The following DGUOK variants were observed in gnomAD, a reference collection of about 807,000 sequenced individuals.
DGUOK encodes the protein deoxyguanosine kinase, mitochondrial.
In DGUOK, 30 loss-of-function variants were observed where a neutral mutation model predicts 36.6. The observed-to-expected ratio is 0.82, with a 90% CI of 0.61 to 1.11. The LOEUF is 1.11. Ranked by LOEUF, DGUOK falls within the 50% of genes most tolerant of loss-of-function variation. DGUOK has a pLI of 0.00. For missense variants in DGUOK, 361 were observed against 336.4 expected, an observed-to-expected ratio of 1.07 and a Z score of -0.57; for synonymous variants, 145 against 126.3, an observed-to-expected ratio of 1.15 and a Z score of -0.99.
At position 73,947,211 on chromosome 2, in the gene DGUOK, C is replaced by T. The variant is rs572457758; in HGVS notation, c.443+305C>T. On this transcript the variant is annotated intron_variant, in intron 3 of 6. Coordinates refer to ENST00000264093, the MANE Select transcript of DGUOK (RefSeq NM_080916.3). The stretch of plus-strand genomic sequence containing the variant: ...GCTGGTAGCCACCTAATGTAACCAT[C>T]ACATGCTAAAAGGCACATAATAGAC... The T allele has an allele frequency of 3.7e-4, 152 of 411,588 alleles. 2 individuals carry two copies. The Admixed American group carries it at 5.0e-3, about 13-fold the overall frequency. 25.5% of individuals were successfully genotyped at this position (411,588 alleles called of 1,614,324 possible). A position where few individuals can be genotyped will look rare whatever the true frequency, so the allele number is the denominator to read the frequency against.
intron 4 of DGUOK, among the ~76,000 whole-genome samples, chr2:73,954,560 T>C (rs917955348): frequency 6.6e-6 from 1 of 151,776 alleles, no homozygotes; most frequent in African/African-American, 2.4e-5. Context: ...AAAAGAGAAA[T>C]AGCTAGGCCT....
At position 73,958,177 on chromosome 2, in the gene DGUOK, G is replaced by A; in HGVS notation, c.739G>A (p.Val247Met). ...CTTTGAGGCTCTGATGAACATTCCAGTGCTGGTGTTGGATGTCAATGATGA... is the reference window on the plus strand; with the variant it reads ...CTTTGAGGCTCTGATGAACATTCCAATGCTGGTGTTGGATGTCAATGATGA... ...LHFEALMNIP[V>M]LVLDVNDDFS... Residue 247 changes from valine to methionine, a missense_variant, in exon 6 of 7, where the codon GTG (valine) becomes ATG (methionine). Val to Met is a conservative substitution (Grantham distance 21). Transcript: ENST00000264093. The A allele has an allele frequency of 6.2e-7, 1 of 1,613,884 alleles. No individual in the cohort carries two copies. Among genetic ancestry groups the A allele is most frequent in the Non-Finnish European group, 8.5e-7 (1 of 1,179,840 alleles).
At chr2:73,953,752 T>C (rs6546879) in intron 4 of DGUOK, among the ~76,000 whole-genome samples, 91,600 of 135,948 alleles carry the variant, frequency 0.67, 31,275 homozygotes, top group Non-Finnish European at 0.69. Context: ...GAGACAGAGT[T>C]TTGCTCTGTT....
intron 4 of DGUOK, 132 bp from the exon 5 acceptor site, chr2:73,956,993 G>A: frequency 1.3e-5 from 6 of 466,060 alleles, no homozygotes; most frequent in South Asian, 4.2e-5. Flanking sequence ...AAGAAAACAA[G>A]ACAGCAGAAG....
At chr2:73,953,305 G>A (rs1429665552) in intron 4 of DGUOK, among the ~76,000 whole-genome samples, 11 of 147,770 alleles carry the variant, frequency 7.4e-5, no homozygotes, top group African/African-American at 2.1e-4. Context: ...CGTCGTCGTC[G>A]TCGTCGTCGT....
intron 2 of DGUOK, among the ~76,000 whole-genome samples, chr2:73,944,447 T>C (rs915480072): frequency 5.9e-5 from 9 of 152,228 alleles, no homozygotes; most frequent in Non-Finnish European, 1.5e-5. Flanking sequence ...TTTTCACCTC[T>C]AAGAAAGTTA....
chr2:73,953,915 G>C lies in DGUOK; in HGVS notation c.591+3183G>C, dbSNP rs1489807540. On this transcript the variant is annotated intron_variant, in intron 4 of 6. Transcript: ENST00000264093. ...TTTTTGTATTTTTAGTAGAGACGGGGTTTCACCATGTTAGCCAGGATGGTC... is the reference window on the plus strand; with the variant it reads ...TTTTTGTATTTTTAGTAGAGACGGGCTTTCACCATGTTAGCCAGGATGGTC... Among the ~76,000 whole-genome samples the C allele has an allele frequency of 2.0e-5, 3 of 151,934 alleles. No individual in the cohort carries two copies. The East Asian group carries it at 5.8e-4, about 30-fold the overall frequency.
chr2:73,929,430 A>G lies in DGUOK; in HGVS notation c.142+2378A>G, dbSNP rs1001591455. On this transcript the variant is annotated intron_variant, in intron 1 of 6. Transcript: ENST00000264093. ...AAGCATGTTAGGTTTTTACATGCCT[A>G]TTAATATCCAAGTAGAGGTGTTGAA... Among the ~76,000 whole-genome samples the G allele has an allele frequency of 9.2e-5, 14 of 152,164 alleles. No individual in the cohort carries two copies. In the East Asian group the frequency reaches 2.7e-3, roughly 29 times the overall value.
chr2:73,927,143 C>T (rs1680658644), intron 1 of DGUOK, 91 bp downstream of exon 1: 1 of 1,547,844 alleles, frequency 6.5e-7, no homozygotes, highest in African/African-American at 1.4e-5. Flanking sequence ...TGGCCTGCGT[C>T]TGATGCGGCC....
chr2:73,929,575 A>C (rs1186931461), intron 1 of DGUOK, among the ~76,000 whole-genome samples: 2 of 152,154 alleles, frequency 1.3e-5, no homozygotes, highest in African/African-American at 4.8e-5. Flanking sequence ...TGAGCATGCA[A>C]ATATTATGAA....
At chr2:73,952,139 A>ATG (rs1682749698) in intron 4 of DGUOK, among the ~76,000 whole-genome samples, 1 of 152,366 alleles carries the variant, frequency 6.6e-6, no homozygotes, top group East Asian at 1.9e-4. Flanking sequence ...ACTATACTCC[A>ATG]GCCCAGGTGA....
At chr2:73,936,700 T>G (rs1260035428) in intron 1 of DGUOK, among the ~76,000 whole-genome samples, 1 of 152,236 alleles carries the variant, frequency 6.6e-6, no homozygotes, top group Non-Finnish European at 1.5e-5. Flanking sequence ...TTCACAAATG[T>G]AGGTTTCAGA....
chr2:73,951,456 GT>G (rs377083944), intron 4 of DGUOK, among the ~76,000 whole-genome samples: 28 of 145,640 alleles, frequency 1.9e-4, no homozygotes, highest in East Asian at 4.0e-4. Flanking sequence ...GTCAAGGTGA[GT>G]TTTTTTTTTT....
At position 73,958,795 on chromosome 2, in the gene DGUOK, A is replaced by G. The variant is rs74596010; in HGVS notation, c.*59A>G. The G allele has an allele frequency of 3.9e-5, 57 of 1,465,782 alleles. No homozygotes were observed. In the East Asian group the frequency reaches 1.3e-3, roughly 33 times the overall value. The allele number at this position is 1,465,782 out of a possible 1,614,324, so 90.8% of individuals were successfully genotyped here. A position where few individuals can be genotyped will look rare whatever the true frequency, so the allele number is the denominator to read the frequency against. On this transcript the variant is annotated 3_prime_UTR_variant, in exon 7 of 7. Transcript: ENST00000264093. ...TCCCTGACTTTCTGAAGCTAGAAAA[A>G]TGTTGTGTCTCCCAACCACCTTTCC...
chr2:73,933,042 G>A (rs1212899390), intron 1 of DGUOK, among the ~76,000 whole-genome samples: 1 of 152,022 alleles, frequency 6.6e-6, no homozygotes, highest in Non-Finnish European at 1.5e-5. Flanking sequence ...TATTTTCAAA[G>A]ACCCAACCAG....
intron 1 of DGUOK, among the ~76,000 whole-genome samples, chr2:73,933,347 TC>T (rs1391289881): frequency 6.6e-6 from 1 of 152,164 alleles, no homozygotes; most frequent in Non-Finnish European, 1.5e-5. Context: ...AAAAGTGAGC[TC>T]CCAGTCTAGC....
In DGUOK at chr2:73,929,456, T is replaced by C. The variant is rs140579373; in HGVS notation, c.142+2404T>C. Among the ~76,000 whole-genome samples, 43 of 152,282 alleles carry C rather than the reference T, an allele frequency of 2.8e-4. 1 individual carries two copies. In the East Asian group the frequency reaches 7.9e-3, roughly 28 times the overall value. ...TTAATATCCAAGTAGAGGTGTTGAA[T>C]AGGTAATTGGATATGTAAGTTCAGA... On this transcript the variant is annotated intron_variant, in intron 1 of 6. Transcript: ENST00000264093.
intron 1 of DGUOK, among the ~76,000 whole-genome samples, chr2:73,927,731 A>T (rs1287382469): frequency 6.6e-6 from 1 of 152,246 alleles, no homozygotes; most frequent in East Asian, 1.9e-4. Flanking sequence ...AAAGAGTGAG[A>T]TCCAGTATCT....
chr2:73,958,328 A>G, intron 6 of DGUOK, 83 bp downstream of exon 6: 2 of 1,051,834 alleles, frequency 1.9e-6, no homozygotes, highest in Non-Finnish European at 2.9e-6. Context: ...AAAGTTCAAT[A>G]TCATGGGTCT....
Sources: allele counts gnomAD v4.1 joint callset (sites outside exome capture counted in the v4.1 genomes callset), GRCh38; gene constraint gnomAD v4.1.1; transcripts MANE v1.5; gene names NCBI Gene and HGNC (gene_info 2026-07-23, HGNC 2026-07-21).